The following GCFC2 variants were observed in gnomAD, a reference collection of about 807,000 sequenced individuals.
GCFC2 encodes GC-rich sequence DNA-binding factor 2.
A neutral mutation model predicts 99.4 loss-of-function variants in GCFC2; 102 were observed. The ratio of observed to expected loss-of-function variants is 1.03; its 90% CI spans 0.87 to 1.21. The LOEUF (loss-of-function observed/expected upper bound fraction) is 1.21. Ranked by LOEUF, GCFC2 falls within the 50% of genes most tolerant of loss-of-function variation. GCFC2 has a pLI of 0.00. For missense variants in GCFC2, 973 were observed against 920.9 expected, an observed-to-expected ratio of 1.06 and a Z score of -0.73; for synonymous variants, 338 against 316.8, an observed-to-expected ratio of 1.07 and a Z score of -0.71.
intron 10 of GCFC2, 150 bp downstream of exon 10, chr2:75,688,876 C>A (rs1033286524): frequency 3.7e-6 from 2 of 542,356 alleles, no homozygotes; most frequent in East Asian, 3.3e-5. Context: ...AAGAATGTAG[C>A]CGAAAGCACA....
intron 10 of GCFC2, 140 bp downstream of exon 10, chr2:75,688,886 A>G (rs563395007): frequency 2.1e-5 from 12 of 567,428 alleles, no homozygotes; most frequent in Non-Finnish European, 3.8e-5. Context: ...CCGAAAGCAC[A>G]CATTTTCTGA....
At position 75,710,571 on chromosome 2, in the gene GCFC2, C is replaced by A; in HGVS notation, c.265+20G>T. 6.7e-7 allele frequency: 1 copy of A among 1,484,298 alleles called. No homozygotes were observed. The allele number at this position is 1,484,298 out of a possible 1,614,324, so 91.9% of individuals were successfully genotyped here. On this transcript the variant is annotated intron_variant, in intron 1 of 16. Coordinates refer to ENST00000321027, the MANE Select transcript of GCFC2 (RefSeq NM_003203.5). ...GCCCTGTGCCGTCACCTCCCCGCTTCCCCGCGTCTCCCTGGACACCTGAGC... is the reference window on the plus strand; with the variant it reads ...GCCCTGTGCCGTCACCTCCCCGCTTACCCGCGTCTCCCTGGACACCTGAGC...
intron 11 of GCFC2, among the ~76,000 whole-genome samples, chr2:75,687,103 T>G (rs1281371411): frequency 2.0e-5 from 3 of 152,086 alleles, no homozygotes; most frequent in African/African-American, 7.2e-5. Context: ...CCCAGCTAGT[T>G]TTTTGTATTT....
chr2:75,664,815 A>G lies in GCFC2; in HGVS notation c.2229-32T>C, dbSNP rs1008338846. ...AACAAAACAAATTTCTCCCTTTAAAAATGCAATGTATGAGGGAACAGCGGT... is the reference window on the plus strand; with the variant it reads ...AACAAAACAAATTTCTCCCTTTAAAGATGCAATGTATGAGGGAACAGCGGT... On this transcript the variant is annotated intron_variant, in intron 16 of 16. Transcript: ENST00000321027. 3 of 1,003,362 alleles carry G rather than the reference A, an allele frequency of 3.0e-6. No homozygotes were observed. In the African/African-American group the frequency reaches 4.7e-5, roughly 16 times the overall value. 62.2% of individuals were successfully genotyped at this position (1,003,362 alleles called of 1,614,324 possible).
chr2:75,690,974 A>C (rs1336130775), intron 7 of GCFC2: 6 of 311,728 alleles, frequency 1.9e-5, no homozygotes, highest in Non-Finnish European at 3.5e-5. Flanking sequence ...GAACAGCAAC[A>C]AAGTTCTACC....
At chr2:75,690,495 C>G (rs1206341509) in intron 8 of GCFC2, 143 bp downstream of exon 8, 2 of 602,490 alleles carry the variant, frequency 3.3e-6, no homozygotes, top group Admixed American at 3.5e-5. Context: ...GGTGGTTTTA[C>G]TAAATTTTGC....
Position 75,710,685 on chromosome 2 carries a change from C to A in GCFC2, c.171G>T (p.Leu57=). 1 of 1,525,338 alleles carries A rather than the reference C, an allele frequency of 6.6e-7. No homozygotes were observed. The highest frequency in any genetic ancestry group is 8.8e-7 in the Non-Finnish European group (1 of 1,141,712). 94.5% of individuals were successfully genotyped at this position (1,525,338 alleles called of 1,614,324 possible). ...SGGGRAQVAG[L]PHRVRGPRGR... ...CACGAGGGCCCCGAACCCGGTGGGG[C>A]AGTCCCGCCACCTGCGCGCGGCCTC... Residue 57 remains leucine, a synonymous_variant, in exon 1 of 17, where the codon CTG becomes CTT. Transcript: ENST00000321027.
chr2:75,706,606 T>G lies in GCFC2; in HGVS notation c.311A>C (p.His104Pro), dbSNP rs1477698777. 6.3e-7 allele frequency: 1 copy of G among 1,588,522 alleles called. No homozygotes were observed. Among genetic ancestry groups the G allele is most frequent in the Non-Finnish European group, 8.6e-7 (1 of 1,156,784 alleles). ...DVSTDEEDKI[H>P]HSSESKDDQG... ...ATCATCCTTACTTTCTGAGGAGTGA[T>G]GTATTTTATCCTCTTCATCTGTGGA... Residue 104 changes from histidine to proline, a missense_variant, in exon 2 of 17, where the codon CAT becomes CCT. Physicochemically the swap from His to Pro is moderately conservative, Grantham distance 77. Coordinates refer to ENST00000321027, the MANE Select transcript of GCFC2 (RefSeq NM_003203.5).
intron 7 of GCFC2, among the ~76,000 whole-genome samples, chr2:75,691,558 C>T (rs1002320834): frequency 4.0e-5 from 6 of 150,522 alleles, no homozygotes; most frequent in African/African-American, 1.5e-4. Flanking sequence ...TCTGAAAGTA[C>T]AAAATCAATG....
intron 12 of GCFC2, among the ~76,000 whole-genome samples, chr2:75,675,356 A>G (rs571713964): frequency 6.6e-6 from 1 of 151,118 alleles, no homozygotes; most frequent in African/African-American, 2.5e-5. Flanking sequence ...TGACAAGTAA[A>G]TCTTGGTAAA....
intron 16 of GCFC2, 36 bp downstream of exon 16, chr2:75,665,893 C>T: frequency 7.1e-7 from 1 of 1,400,366 alleles, no homozygotes; most frequent in Non-Finnish European, 9.8e-7. Context: ...AATCCATGAA[C>T]TCTCTTTATA....
rs117641235 is a variant in GCFC2, at chr2:75,680,862, A to G, written c.1691-548T>C. On this transcript the variant is annotated intron_variant, in intron 11 of 16. Coordinates refer to ENST00000321027, the MANE Select transcript of GCFC2 (RefSeq NM_003203.5). ...AGAAAAGCAGCACTATGAAGCTCCT[A>G]CCACAGCATCTACACACCTACCTAC... 4.2e-4 allele frequency among the ~76,000 whole-genome samples: 63 copies of G among 150,882 alleles called. No homozygotes were observed. The East Asian group carries it at 0.012, about 28-fold the overall frequency.
intron 11 of GCFC2, among the ~76,000 whole-genome samples, chr2:75,685,727 ACTTATAC>A (rs1288267291): frequency 6.6e-6 from 1 of 152,082 alleles, no homozygotes; most frequent in Non-Finnish European, 1.5e-5. Context: ...TAAATTCCAA[ACTTATAC>A]CTTCTGACTG....
intron 11 of GCFC2, among the ~76,000 whole-genome samples, chr2:75,681,407 G>A (rs1291966229): frequency 1.3e-5 from 2 of 149,886 alleles, no homozygotes; most frequent in South Asian, 2.1e-4. Context: ...CCCAGATACT[G>A]TGTTTTTCCC....
At chr2:75,664,831 G>T in intron 16 of GCFC2, 48 bp from the exon 17 acceptor site, 1 of 848,362 alleles carries the variant, frequency 1.2e-6, no homozygotes, top group South Asian at 1.4e-5. Flanking sequence ...ATGTATGAGG[G>T]AACAGCGGTC....
intron 1 of GCFC2, among the ~76,000 whole-genome samples, chr2:75,706,960 A>G (rs532285560): frequency 1.3e-5 from 2 of 152,358 alleles, no homozygotes; most frequent in South Asian, 4.1e-4. Context: ...TTAGAATAGT[A>G]ATGATTGTGA....
At chr2:75,688,044 T>C in intron 10 of GCFC2, 67 bp from the exon 11 acceptor site, 2 of 980,758 alleles carry the variant, frequency 2.0e-6, no homozygotes, top group South Asian at 1.7e-5. Context: ...AAATAGTTAT[T>C]ATTTTTTTCA....
chr2:75,711,084 C>G, upstream of GCFC2: 2 of 1,303,076 alleles, frequency 1.5e-6, no homozygotes. Flanking sequence ...ATTCCCTTTG[C>G]CAGGTTAGGT....
chr2:75,707,214 C>T (rs751488177), intron 1 of GCFC2, among the ~76,000 whole-genome samples: 40 of 151,972 alleles, frequency 2.6e-4, no homozygotes, highest in African/African-American at 8.7e-4. Context: ...CGGCTGGTGG[C>T]GAGAAATATT....
Sources: allele counts gnomAD v4.1 joint callset (sites outside exome capture counted in the v4.1 genomes callset), GRCh38; gene constraint gnomAD v4.1.1; transcripts MANE v1.5; gene names NCBI Gene and HGNC (gene_info 2026-07-23, HGNC 2026-07-21).